ME2: variants seen among roughly 807,000 people sequenced by gnomAD.
ME2 encodes malic enzyme 2, also known as NAD-dependent malic enzyme, mitochondrial.
In ME2, 60 loss-of-function variants were observed where a neutral mutation model predicts 73.7. The observed-to-expected ratio is 0.81, with a 90% CI of 0.66 to 1.01. The LOEUF (loss-of-function observed/expected upper bound fraction) is 1.01. Ranked by LOEUF, ME2 falls within the 50% of genes least tolerant of loss-of-function variation. The pLI, the probability that ME2 is intolerant of heterozygous loss-of-function variation, is 0.00. For missense variants in ME2, 594 were observed against 705.5 expected (o/e 0.84, Z 1.79); for synonymous variants, 199 against 236.9 (o/e 0.84, Z 1.47).
chr18:50,939,149 AAAGAG>A (rs1323572374), intron 13 of ME2: 7 of 152,346 alleles, frequency 4.6e-5, no homozygotes, highest in African/African-American at 1.5e-4. Flanking sequence ...AGAAAAAAAA[AAAGAG>A]AGAGAGAGAG....
intron 2 of ME2, among the ~76,000 whole-genome samples, chr18:50,898,692 T>A (rs1242818836): frequency 6.6e-6 from 1 of 152,126 alleles, no homozygotes; most frequent in Non-Finnish European, 1.5e-5. Context: ...CTTGGCCTCC[T>A]AAACTGTTGG....
chr18:50,918,169 G>A lies in ME2; in HGVS notation c.690G>A (p.Gln230=). 6.2e-7 allele frequency: 1 copy of A among 1,610,996 alleles called. No homozygotes were observed. ...GLYQKRDRTQ[Q]YDDLIDEFMK... ...ACCAGAAACGAGATCGCACACAACAGTATGATGACCTGATTGATGAGTTTA... is the reference window on the plus strand; with the variant it reads ...ACCAGAAACGAGATCGCACACAACAATATGATGACCTGATTGATGAGTTTA... Residue 230 remains glutamine (Q), a synonymous_variant, in exon 7 of 16, where the codon CAG becomes CAA. Coordinates refer to ENST00000321341, the MANE Select transcript of ME2 (RefSeq NM_002396.5).
chr18:50,894,549 CAGAA>C (rs942872217), intron 1 of ME2, among the ~76,000 whole-genome samples: 11 of 139,482 alleles, frequency 7.9e-5, no homozygotes, highest in Non-Finnish European at 1.4e-4. Flanking sequence ...GCCTGGGTGA[CAGAA>C]AGAGACTCCA....
At chr18:50,911,619 C>T (rs1387187949) in intron 3 of ME2, among the ~76,000 whole-genome samples, 2 of 152,036 alleles carry the variant, frequency 1.3e-5, no homozygotes, top group Non-Finnish European at 2.9e-5. Flanking sequence ...GAGCACGCCA[C>T]CTGAGCTGCA....
In ME2 at chr18:50,948,366, A is replaced by G. The variant is rs746804022; in HGVS notation, c.*1182A>G. 3 of 152,144 alleles carry G rather than the reference A, an allele frequency of 2.0e-5. No individual in the cohort carries two copies. The highest frequency in any genetic ancestry group is 4.4e-5 in the Non-Finnish European group (3 of 68,030). 9.4% of individuals were successfully genotyped at this position (152,144 alleles called of 1,614,324 possible). On this transcript the variant is annotated 3_prime_UTR_variant, in exon 16 of 16. Transcript: ENST00000321341. ...GCATATTGAAGAATTCTAAAGGAAA[A>G]TATATCTGCCTACCATGCTTGCTCT... is the stretch of plus-strand genomic sequence containing the variant.
At chr18:50,904,167 T>C (rs1266306737) in intron 2 of ME2, among the ~76,000 whole-genome samples, 5 of 152,248 alleles carry the variant, frequency 3.3e-5, no homozygotes, top group Non-Finnish European at 2.9e-5. Context: ...ATAGCCACTC[T>C]AGCTCTCTTT....
At position 50,925,880 on chromosome 18, in the gene ME2, A is replaced by G; in HGVS notation, c.1296A>G (p.Glu432=). 1 of 1,609,056 alleles carries G rather than the reference A, an allele frequency of 6.2e-7. No homozygotes were observed. The highest frequency in any genetic ancestry group is 2.2e-5 in the East Asian group (1 of 44,828). The part of the protein sequence containing the change: ...PTAQAECTAE[E]AYTLTEGRCL... ...CACAGGCAGAGTGCACGGCTGAAGA[A>G]GCATATACACTTACAGAGGTATTAA... The change falls in exon 12 of 16, where the codon GAA becomes GAG. Residue 432 remains glutamate, a synonymous_variant. Coordinates refer to ENST00000321341, the MANE Select transcript of ME2 (RefSeq NM_002396.5).
chr18:50,879,487 G>A (rs1916260101), intron 1 of ME2, among the ~76,000 whole-genome samples, 179 bp downstream of exon 1: 1 of 152,180 alleles, frequency 6.6e-6, no homozygotes, highest in Admixed American at 6.5e-5. Flanking sequence ...GCGGAGTCCG[G>A]GCTGAGGGCG....
intron 12 of ME2, among the ~76,000 whole-genome samples, chr18:50,930,418 C>T (rs1362169716): frequency 1.3e-5 from 2 of 152,022 alleles, no homozygotes; most frequent in Admixed American, 6.6e-5. Flanking sequence ...ACTCCAACAC[C>T]GTTTGCTGCT....
rs571954445 is a variant in ME2 at position 50,939,406 on chromosome 18, C to A, written c.1418-164C>A. On this transcript the variant is annotated intron_variant, in intron 13 of 15. Transcript: ENST00000321341. ...TTAGCGAATAAGAATTATTAAAGAT[C>A]GTTTGATTTTAACTCAGATTTCTGT... is the stretch of plus-strand genomic sequence containing the variant. The A allele has an allele frequency of 7.9e-6, 4 of 507,662 alleles. No homozygotes were observed. The Admixed American group carries it at 1.4e-4, about 18-fold the overall frequency. The allele number at this position is 507,662 out of a possible 1,614,324, so 31.4% of individuals were successfully genotyped here. A position where few individuals can be genotyped will look rare whatever the true frequency, so the allele number is the denominator to read the frequency against.
chr18:50,928,370 C>T (rs1017517281), intron 12 of ME2, among the ~76,000 whole-genome samples: 3 of 151,656 alleles, frequency 2.0e-5, no homozygotes, highest in African/African-American at 7.3e-5. Context: ...CTCAGCCTCC[C>T]GAGTAGCTGG....
chr18:50,932,394 T>A (rs796980175), intron 13 of ME2, 34 bp downstream of exon 13: 2 of 1,492,638 alleles, frequency 1.3e-6, no homozygotes, highest in African/African-American at 1.4e-5. Flanking sequence ...TATAGAGCAA[T>A]AGTTAATTAT....
At chr18:50,945,488 C>T (rs528909529) in intron 15 of ME2, among the ~76,000 whole-genome samples, 1 of 152,278 alleles carries the variant, frequency 6.6e-6, no homozygotes, top group East Asian at 1.9e-4. Flanking sequence ...CCCTTCCCTA[C>T]TTCTTTTTCC....
intron 2 of ME2, among the ~76,000 whole-genome samples, chr18:50,901,713 A>G (rs1488952274): frequency 1.3e-5 from 2 of 152,224 alleles, no homozygotes; most frequent in Admixed American, 6.5e-5. Flanking sequence ...TAAACTATGT[A>G]CATAGCCTCC....
chr18:50,939,089 C>CTTT (rs1917880236), intron 13 of ME2: 1 of 140,790 alleles, frequency 7.1e-6, no homozygotes, highest in South Asian at 2.2e-4. Flanking sequence ...TCAGTGATCT[C>CTTT]CAAAACAGAA....
In ME2 at chr18:50,948,748, T is replaced by C. The variant is rs889634070; in HGVS notation, c.*1564T>C. On this transcript the variant is annotated 3_prime_UTR_variant, in exon 16 of 16. Transcript: ENST00000321341. ...TAGTAGAGACGGGATTTCACCATGTTGGCCAGGAGGGTCTCGATTTCCTGA... is the reference window on the plus strand; with the variant it reads ...TAGTAGAGACGGGATTTCACCATGTCGGCCAGGAGGGTCTCGATTTCCTGA... 1.3e-5 allele frequency: 2 copies of C among 151,836 alleles called. No homozygotes were observed. The highest frequency in any genetic ancestry group is 4.8e-5 in the African/African-American group (2 of 41,288). 9.4% of individuals were successfully genotyped at this position (151,836 alleles called of 1,614,324 possible). A position where few individuals can be genotyped will look rare whatever the true frequency, so the allele number is the denominator to read the frequency against.
chr18:50,922,135 T>C (rs996272218), intron 10 of ME2, among the ~76,000 whole-genome samples: 2 of 152,228 alleles, frequency 1.3e-5, no homozygotes, highest in African/African-American at 4.8e-5. Context: ...ACCAGTATTC[T>C]ATTAGTACAA....
In ME2 at chr18:50,921,193, G is replaced by C. The variant is rs748222067; in HGVS notation, c.1056+6G>C. 1 of 1,424,976 alleles carries C rather than the reference G, an allele frequency of 7.0e-7. No individual in the cohort carries two copies. The highest frequency in any genetic ancestry group is 1.3e-5 in the South Asian group (1 of 78,384). 88.3% of individuals were successfully genotyped at this position (1,424,976 alleles called of 1,614,324 possible). On this transcript the variant is annotated splice_donor_region_variant and intron_variant, in intron 10 of 15. Transcript: ENST00000321341. ...AGTATGGTTTATTAGTTAAGGTAAG[G>C]TATTTAAAATTTGGAGAAGCAAAAG...
chr18:50,914,393 C>T (rs550614048), intron 4 of ME2, among the ~76,000 whole-genome samples: 1 of 152,280 alleles, frequency 6.6e-6, no homozygotes, highest in East Asian at 1.9e-4. Flanking sequence ...TTCAGTTAGT[C>T]TAGACTTAGG....
Sources: gnomAD v4.1 joint callset for allele counts (sites outside exome capture counted in the v4.1 genomes callset) on GRCh38, gnomAD v4.1.1 for gene constraint, MANE v1.5 for transcripts, NCBI Gene and HGNC (gene_info 2026-07-23, HGNC 2026-07-21) for gene names.